SPATA6: variants seen among roughly 807,000 people sequenced by gnomAD.
SPATA6 encodes spermatogenesis-associated protein 6.
SPATA6 carries 56 observed loss-of-function variants against 65.3 expected under a neutral mutation model. The ratio of observed to expected loss-of-function variants is 0.86; its 90% CI spans 0.69 to 1.07. The LOEUF is 1.07. SPATA6 is among the 50% of genes least tolerant of loss of function. The pLI, the probability that SPATA6 is intolerant of heterozygous loss-of-function variation, is 0.00. For synonymous variants in SPATA6, 199 were observed against 213.2 expected (o/e 0.93, Z 0.58); for missense variants, 590 against 594.8 (o/e 0.99, Z 0.08).
chr1:48,347,468 ATAATATATATATTATTAATG>A (rs1646399204), intron 11 of SPATA6, among the ~76,000 whole-genome samples: 1 of 147,172 alleles, frequency 6.8e-6, no homozygotes, highest in Non-Finnish European at 1.5e-5. Flanking sequence ...TATATATAAT[ATAATATATATATTATTAATG>A]TATATATGTA....
At chr1:48,384,260 G>A (rs1570401585) in intron 9 of SPATA6, among the ~76,000 whole-genome samples, 1 of 139,988 alleles carries the variant, frequency 7.1e-6, no homozygotes, top group South Asian at 2.4e-4. Context: ...CAGGCAGGGA[G>A]GTTGCAGTGA....
At chr1:48,279,128 T>C in the SPATA6 span, among the ~76,000 whole-genome samples, 74 of 152,228 alleles carry the variant, frequency 4.9e-4, no homozygotes, top group African/African-American at 1.7e-3. Context: ...GACAAGCAAA[T>C]GCTGAGAGAT....
chr1:48,292,987 C>T (rs1048741295), downstream of SPATA6, among the ~76,000 whole-genome samples: 13 of 152,270 alleles, frequency 8.5e-5, no homozygotes, highest in African/African-American at 1.9e-4. Flanking sequence ...AGGCCATCTG[C>T]GGTGAAAGCC....
At chr1:48,405,027 A>G (rs906356611) in intron 5 of SPATA6, among the ~76,000 whole-genome samples, 5 of 152,226 alleles carry the variant, frequency 3.3e-5, no homozygotes, top group African/African-American at 1.2e-4. Flanking sequence ...GTGATTCAAT[A>G]CCTACATTTG....
Position 48,307,236 on chromosome 1 carries a change from C to T in SPATA6, c.1195-1358G>A, listed in dbSNP as rs1210367188. ...ACTATTCCTGTGGAGTGATGATGCC[C>T]ATCTAGATCAAGGATATCATATAGG... On this transcript the variant is annotated intron_variant, in intron 11 of 12. Coordinates refer to ENST00000371847, the MANE Select transcript of SPATA6 (RefSeq NM_019073.4). Among the ~76,000 whole-genome samples the T allele has an allele frequency of 2.0e-5, 3 of 150,994 alleles. No homozygotes were observed. The East Asian group carries it at 5.8e-4, about 29-fold the overall frequency.
At chr1:48,381,261 T>C (rs1648542816) in intron 9 of SPATA6, among the ~76,000 whole-genome samples, 1 of 152,198 alleles carries the variant, frequency 6.6e-6, no homozygotes, top group Non-Finnish European at 1.5e-5. Flanking sequence ...ATAAGTGTTA[T>C]ATTCATAGTC....
chr1:48,380,885 G>A (rs1289039535), intron 9 of SPATA6, among the ~76,000 whole-genome samples: 2 of 152,196 alleles, frequency 1.3e-5, no homozygotes, highest in Non-Finnish European at 2.9e-5. Context: ...TACAGCAGCA[G>A]TCCCCAACCT....
chr1:48,325,339 G>A (rs1645725173), intron 11 of SPATA6: 1 of 1,315,266 alleles, frequency 7.6e-7, no homozygotes, highest in South Asian at 1.2e-5. Context: ...CCCCCGTAGA[G>A]TCCTCCCCTG....
chr1:48,286,384 C>T, the SPATA6 span, among the ~76,000 whole-genome samples: 2 of 152,106 alleles, frequency 1.3e-5, no homozygotes, highest in African/African-American at 4.8e-5. Context: ...AATCTTTCAT[C>T]TCTTTGGTTA....
At chr1:48,305,606 C>T (rs1476707053) in intron 12 of SPATA6, among the ~76,000 whole-genome samples, 181 bp downstream of exon 12, 1 of 151,924 alleles carries the variant, frequency 6.6e-6, no homozygotes, top group African/African-American at 2.4e-5. Flanking sequence ...CAATAATTGA[C>T]TATATTTGTT....
Position 48,305,767 on chromosome 1 carries a change from T to C in SPATA6, c.1286+20A>G, listed in dbSNP as rs1645045464. ...TTTTATCAGAACTATGAGAAGGATA[T>C]ACATATATTTCATTCATACCTATAC... On this transcript the variant is annotated intron_variant, in intron 12 of 12. Coordinates refer to ENST00000371847, the MANE Select transcript of SPATA6 (RefSeq NM_019073.4). 6.4e-7 allele frequency: 1 copy of C among 1,558,870 alleles called. No individual in the cohort carries two copies.
intron 11 of SPATA6, among the ~76,000 whole-genome samples, chr1:48,331,466 G>A (rs1405851718): frequency 1.3e-5 from 2 of 149,782 alleles, no homozygotes; most frequent in African/African-American, 2.4e-5. Context: ...GCTGATGAAA[G>A]AATCTAAGGG....
In SPATA6 at chr1:48,377,553, T is replaced by A. The variant is rs530146103; in HGVS notation, c.909+7756A>T. Among the ~76,000 whole-genome samples, 3 of 152,296 alleles carry A rather than the reference T, an allele frequency of 2.0e-5. No homozygotes were observed. In the South Asian group the frequency reaches 6.2e-4, roughly 32 times the overall value. Reference sequence around the variant, plus strand: ...GGTCAAACCATCTCAGTACATAATGTCAAAGCATTATGTATGTCCTCCATG... The same window carrying A: ...GGTCAAACCATCTCAGTACATAATGACAAAGCATTATGTATGTCCTCCATG... On this transcript the variant is annotated intron_variant, in intron 9 of 12. Coordinates refer to ENST00000371847, the MANE Select transcript of SPATA6 (RefSeq NM_019073.4).
chr1:48,294,226 G>A (rs1225715148), downstream of SPATA6, among the ~76,000 whole-genome samples: 1 of 152,088 alleles, frequency 6.6e-6, no homozygotes, highest in African/African-American at 2.4e-5. Context: ...ACAGGTGCAT[G>A]CCACTACGCC....
chr1:48,367,094 A>G (rs1455594787), intron 9 of SPATA6, among the ~76,000 whole-genome samples: 4 of 152,196 alleles, frequency 2.6e-5, no homozygotes, highest in Non-Finnish European at 5.9e-5. Context: ...GTTTCCATGT[A>G]GTTGAGTGGT....
chr1:48,396,014 A>G (rs1650551920), intron 7 of SPATA6, among the ~76,000 whole-genome samples: 1 of 151,888 alleles, frequency 6.6e-6, no homozygotes, highest in Non-Finnish European at 1.5e-5. Context: ...CTACAACTCA[A>G]TAACAAAAAC....
At chr1:48,282,550 A>G in the SPATA6 span, among the ~76,000 whole-genome samples, 1 of 152,246 alleles carries the variant, frequency 6.6e-6, no homozygotes, top group Admixed American at 6.5e-5. Context: ...TTCTCAAAAG[A>G]AGACATTTAT....
rs555772704 is a variant in SPATA6 at position 48,451,723 on chromosome 1, T to C, written c.190-123A>G. 1.2e-5 allele frequency: 10 copies of C among 825,996 alleles called. No homozygotes were observed. In the South Asian group the frequency reaches 2.1e-4, roughly 18 times the overall value. The allele number at this position is 825,996 out of a possible 1,614,324, so 51.2% of individuals were successfully genotyped here. ...TTTTGACATTATTGAGAACTGTCAGTTCCTCTCTCCTTCCCATCACTACAA... is the reference window on the plus strand; with the variant it reads ...TTTTGACATTATTGAGAACTGTCAGCTCCTCTCTCCTTCCCATCACTACAA... On this transcript the variant is annotated intron_variant, in intron 2 of 12. Coordinates refer to ENST00000371847, the MANE Select transcript of SPATA6 (RefSeq NM_019073.4).
intron 1 of SPATA6, among the ~76,000 whole-genome samples, chr1:48,461,182 GTTGT>G (rs1230388268): frequency 2.6e-5 from 4 of 152,038 alleles, no homozygotes; most frequent in African/African-American, 4.8e-5. Flanking sequence ...TTTTGATGGG[GTTGT>G]TTGTTTTTTT....
Sources: gnomAD v4.1 joint callset for allele counts (sites outside exome capture counted in the v4.1 genomes callset) on GRCh38, gnomAD v4.1.1 for gene constraint, MANE v1.5 for transcripts, NCBI Gene and HGNC (gene_info 2026-07-23, HGNC 2026-07-21) for gene names.